The following PCDHGA11 variants were observed in gnomAD, a reference collection of about 807,000 sequenced individuals.
PCDHGA11 encodes protocadherin gamma-A11.
Under a neutral mutation model 60.4 loss-of-function variants are expected in PCDHGA11, and 39 were observed. The observed-to-expected ratio is 0.65, with a 90% confidence interval of 0.50 to 0.84. PCDHGA11 has a LOEUF of 0.84. Ranked by LOEUF, PCDHGA11 falls within the 40% of genes least tolerant of loss-of-function variation. PCDHGA11 has a pLI of 0.00. For missense variants in PCDHGA11, 1,165 were observed against 1,197.7 expected (o/e 0.97, Z 0.40); for synonymous variants, 533 against 510.3 (o/e 1.04, Z -0.60).
rs1386912520 is a variant in PCDHGA11 at position 141,505,425 on chromosome 5, C to T, written c.2525C>T (p.Pro842Leu). 1.2e-6 allele frequency: 2 copies of T among 1,614,060 alleles called. No individual in the cohort carries two copies. The highest frequency in any genetic ancestry group is 1.7e-6 in the Non-Finnish European group (2 of 1,180,022). The change falls in exon 3 of 4, where the codon CCC becomes CTC. Residue 842 changes from proline to leucine, a missense_variant. Physicochemically the swap from Pro to Leu is moderately conservative, Grantham distance 98 (BLOSUM62 -3). Transcript: ENST00000398587. ...AATGGCGATGACACCGGCACCTGGC[C>T]CAACAACCAGTTTGACACAGAGATG... ...SQNGDDTGTW[P>L]NNQFDTEMLQ... is the part of the protein sequence containing the mutation.
intron 1 of PCDHGA11, among the ~76,000 whole-genome samples, chr5:141,433,752 G>A (rs975941520): frequency 6.6e-6 from 1 of 151,206 alleles, no homozygotes; most frequent in Non-Finnish European, 1.5e-5. Context: ...CAGGAGAATT[G>A]CTTTAACCTG....
rs774079222 is a variant in PCDHGA11 at position 141,491,314 on chromosome 5, C to T, written c.2434-3493C>T. On this transcript the variant is annotated intron_variant, in intron 1 of 3. Coordinates refer to ENST00000398587, the MANE Select transcript of PCDHGA11 (RefSeq NM_018914.3). This position sits in a 1 kb window ranked among gnomAD's most constrained non-coding sequence, Gnocchi z 6.9. ...CCCTCCTGAGCGTTCAGACCTTACC[C>T]TTTACCTCATTGTGGCTCTAGCGAC... The T allele has an allele frequency of 1.9e-6, 3 of 1,614,182 alleles. No individual in the cohort carries two copies. In the South Asian group the frequency reaches 3.3e-5, roughly 18 times the overall value.
At chr5:141,495,236 A>G (rs2099759742) in intron 2 of PCDHGA11, among the ~76,000 whole-genome samples, 1 of 152,168 alleles carries the variant, frequency 6.6e-6, no homozygotes, top group South Asian at 2.1e-4. Flanking sequence ...GGGCTCCATT[A>G]TGACCTGGGG....
At chr5:141,505,563 T>C in intron 3 of PCDHGA11, 82 bp downstream of exon 3, 1 of 1,603,814 alleles carries the variant, frequency 6.2e-7, no homozygotes, top group Non-Finnish European at 8.5e-7. Flanking sequence ...GCCCACGGAC[T>C]GGATGTCAAA....
rs1486791355 is a variant in PCDHGA11 at position 141,476,804 on chromosome 5, A to G, written c.2434-18003A>G. Reference sequence around the variant, plus strand: ...CCCAGCTCTCTCCGCCAGCCTGCCTATTCACATCAAGGTGCTGGACGCGAA... The same window carrying G: ...CCCAGCTCTCTCCGCCAGCCTGCCTGTTCACATCAAGGTGCTGGACGCGAA... On this transcript the variant is annotated intron_variant, in intron 1 of 3. Coordinates refer to ENST00000398587, the MANE Select transcript of PCDHGA11 (RefSeq NM_018914.3). The surrounding 1 kb of genome is among the most constrained non-coding windows in gnomAD (Gnocchi z 7.6). 5 of 1,613,476 alleles carry G rather than the reference A, an allele frequency of 3.1e-6. No individual in the cohort carries two copies. Among genetic ancestry groups the G allele is most frequent in the South Asian group, 2.2e-5 (2 of 91,080 alleles).
At chr5:141,450,826 A>C (rs965147554) in intron 1 of PCDHGA11, among the ~76,000 whole-genome samples, 1 of 134,302 alleles carries the variant, frequency 7.4e-6, no homozygotes, top group African/African-American at 2.9e-5. Context: ...TATTATTATT[A>C]TTATTTTTTT....
intron 1 of PCDHGA11, among the ~76,000 whole-genome samples, chr5:141,481,126 A>G (rs2099532217): frequency 6.6e-6 from 1 of 152,222 alleles, no homozygotes. Context: ...CATTTAGCAT[A>G]TTTGTGAAGT....
chr5:141,476,521 C>T lies in PCDHGA11; in HGVS notation c.2434-18286C>T. On this transcript the variant is annotated intron_variant, in intron 1 of 3. Transcript: ENST00000398587. The surrounding 1 kb of genome is among the most constrained non-coding windows in gnomAD (Gnocchi z 7.6). ...ACATCAACGACAACAATCCTGCTTT[C>T]CCTACCCAGGAAATGAAATTGGAGA... 4 of 1,614,214 alleles carry T rather than the reference C, an allele frequency of 2.5e-6. No homozygotes were observed. The highest frequency in any genetic ancestry group is 3.4e-6 in the Non-Finnish European group (4 of 1,180,036).
Position 141,476,659 on chromosome 5 carries a change from G to C in PCDHGA11, c.2434-18148G>C. On this transcript the variant is annotated intron_variant, in intron 1 of 3. Transcript: ENST00000398587. This position sits in a 1 kb window ranked among gnomAD's most constrained non-coding sequence, Gnocchi z 7.6. ...AGCTGAGCCGAAATGAATACTTTGCGCTTCGCGTGCAGACGCGGGAGGACA... is the reference window on the plus strand; with the variant it reads ...AGCTGAGCCGAAATGAATACTTTGCCCTTCGCGTGCAGACGCGGGAGGACA... 1 of 1,614,252 alleles carries C rather than the reference G, an allele frequency of 6.2e-7. No individual in the cohort carries two copies. The highest frequency in any genetic ancestry group is 8.5e-7 in the Non-Finnish European group (1 of 1,180,048).
intron 3 of PCDHGA11, among the ~76,000 whole-genome samples, chr5:141,510,166 A>G (rs1280391099): frequency 6.6e-6 from 1 of 151,872 alleles, no homozygotes; most frequent in African/African-American, 2.4e-5. Flanking sequence ...TCAGCTACTC[A>G]GGAGGTTGAG....
intron 3 of PCDHGA11, among the ~76,000 whole-genome samples, chr5:141,507,898 C>T (rs577177417): frequency 1.3e-5 from 2 of 152,310 alleles, no homozygotes; most frequent in East Asian, 1.9e-4. Flanking sequence ...TTCCTGAAGT[C>T]CAGCCCAGCC....
chr5:141,438,619 TATATATATATATATATACACAC>T (rs1408639052), intron 1 of PCDHGA11, among the ~76,000 whole-genome samples: 61 of 39,666 alleles, frequency 1.5e-3, no homozygotes, highest in African/African-American at 9.2e-3. Context: ...TATATATATA[TATATATATATATATATACACAC>T]ACACACACAC....
intron 1 of PCDHGA11, chr5:141,433,272 C>G (rs1161817377): frequency 8.0e-7 from 1 of 1,252,412 alleles, no homozygotes; most frequent in Non-Finnish European, 1.1e-6. Flanking sequence ...TAGCTCACTG[C>G]AGCCTCAAAC....
At chr5:141,462,116 C>T (rs535029363) in intron 1 of PCDHGA11, among the ~76,000 whole-genome samples, 3 of 152,152 alleles carry the variant, frequency 2.0e-5, no homozygotes, top group Admixed American at 1.3e-4. Context: ...AGCCACTGCA[C>T]CCAGTCCAAT....
rs1562137828 is a variant in PCDHGA11 at position 141,490,359 on chromosome 5, T to C, written c.2434-4448T>C. On this transcript the variant is annotated intron_variant, in intron 1 of 3. Transcript: ENST00000398587. This position sits in a 1 kb window ranked among gnomAD's most constrained non-coding sequence, Gnocchi z 5.4. ...TGGGCACAGTAGTGGGGTTGTTTAA[T>C]GTGCGAGACCGGGACTCAGGTAGAA... The C allele has an allele frequency of 1.9e-6, 3 of 1,614,212 alleles. No individual in the cohort carries two copies. The highest frequency in any genetic ancestry group is 2.5e-6 in the Non-Finnish European group (3 of 1,180,036).
chr5:141,496,081 C>A (rs976166091), intron 2 of PCDHGA11, among the ~76,000 whole-genome samples: 1 of 152,060 alleles, frequency 6.6e-6, no homozygotes, highest in Non-Finnish European at 1.5e-5. Flanking sequence ...CACAACCCCC[C>A]ACCCACCACC....
Position 141,456,470 on chromosome 5 carries a change from A to G in PCDHGA11, c.2433+32810A>G, listed in dbSNP as rs573210902. Among the ~76,000 whole-genome samples, 4 of 152,272 alleles carry G rather than the reference A, an allele frequency of 2.6e-5. No homozygotes were observed. In the East Asian group the frequency reaches 7.7e-4, roughly 29 times the overall value. On this transcript the variant is annotated intron_variant, in intron 1 of 3. Coordinates refer to ENST00000398587, the MANE Select transcript of PCDHGA11 (RefSeq NM_018914.3). ...GTCCAAATATCAATACAAGACATAT[A>G]AGCAAGAGAGTGCTTAATAAAGGGG...
At position 141,475,845 on chromosome 5, in the gene PCDHGA11, G is replaced by A. The variant is rs2099375736; in HGVS notation, c.2434-18962G>A. On this transcript the variant is annotated intron_variant, in intron 1 of 3. Coordinates refer to ENST00000398587, the MANE Select transcript of PCDHGA11 (RefSeq NM_018914.3). ...CGCTAGCGCGTGTCCTGCTCAGAGA[G>A]CCCGGCGCTAGCTCATTCTTCGTGC... The A allele has an allele frequency of 2.0e-5, 9 of 447,884 alleles. 1 individual carries two copies. In the South Asian group the frequency reaches 2.8e-4, roughly 14 times the overall value. 27.7% of individuals were successfully genotyped at this position (447,884 alleles called of 1,614,324 possible).
Position 141,430,964 on chromosome 5 carries a change from A to G in PCDHGA11, c.2433+7304A>G, listed in dbSNP as rs547574367. The G allele has an allele frequency of 7.3e-5, 117 of 1,612,860 alleles. No homozygotes were observed. The South Asian group carries it at 1.2e-3, about 17-fold the overall frequency. On this transcript the variant is annotated intron_variant, in intron 1 of 3. Coordinates refer to ENST00000398587, the MANE Select transcript of PCDHGA11 (RefSeq NM_018914.3). The stretch of plus-strand genomic sequence containing the variant: ...GGAGCGCGGAGTCCGCATCATCCCC[A>G]GAGGTAGGACGCAGCTTTTCGCCCT...
Sources: gnomAD v4.1 joint callset for allele counts (sites outside exome capture counted in the v4.1 genomes callset) on GRCh38, gnomAD v4.1.1 for gene constraint, Gnocchi (gnomAD v3.1) non-coding constraint, MANE v1.5 for transcripts, NCBI Gene and HGNC (gene_info 2026-07-23, HGNC 2026-07-21) for gene names.